Variants in PIK3C2G observed in about 807,000 individuals in gnomAD.
The protein encoded by PIK3C2G is phosphatidylinositol-4-phosphate 3-kinase catalytic subunit type 2 gamma.
A neutral mutation model predicts 181.1 loss-of-function variants in PIK3C2G; 168 were observed. That is an observed-to-expected ratio of 0.93 (90% CI 0.82 to 1.05). The LOEUF is 1.05. PIK3C2G is among the 50% of genes least tolerant of loss of function. The pLI, the probability that PIK3C2G is intolerant of heterozygous loss-of-function variation, is 0.00. For missense variants in PIK3C2G, 1,869 were observed against 1,732.8 expected (o/e 1.08, Z -1.40); for synonymous variants, 573 against 592.2 (o/e 0.97, Z 0.47).
chr12:18,269,307 T>G (rs1219852355), intron 1 of PIK3C2G, among the ~76,000 whole-genome samples: 2 of 152,212 alleles, frequency 1.3e-5, no homozygotes, highest in Non-Finnish European at 2.9e-5. Flanking sequence ...TTTTATATTT[T>G]GCATAATTAA....
chr12:18,712,038 G>C, the PIK3C2G span, among the ~76,000 whole-genome samples: 2 of 151,954 alleles, frequency 1.3e-5, no homozygotes. Context: ...GTAATGTATT[G>C]ACATAGGAGA....
chr12:18,603,620 A>G (rs1414245013), intron 30 of PIK3C2G, among the ~76,000 whole-genome samples: 2 of 152,188 alleles, frequency 1.3e-5, no homozygotes. Context: ...CCTGTGAGAC[A>G]GAAGCACCAG....
intron 25 of PIK3C2G, among the ~76,000 whole-genome samples, chr12:18,542,098 T>C (rs1445392676): frequency 6.6e-6 from 1 of 151,718 alleles, no homozygotes; most frequent in Non-Finnish European, 1.5e-5. Flanking sequence ...TTGATAGAGT[T>C]CTAACCAAGC....
chr12:18,499,536 G>C (rs1420402230), intron 22 of PIK3C2G, among the ~76,000 whole-genome samples: 1 of 152,164 alleles, frequency 6.6e-6, no homozygotes, highest in Non-Finnish European at 1.5e-5. Context: ...GGAGTTCTGA[G>C]AGAAATTTTC....
chr12:18,534,054 A>G (rs1943708703), intron 24 of PIK3C2G, among the ~76,000 whole-genome samples: 1 of 145,750 alleles, frequency 6.9e-6, no homozygotes, highest in African/African-American at 2.5e-5. Flanking sequence ...GGTTCAAACA[A>G]TTCTTGTGCC....
chr12:18,376,462 C>A (rs1048106416), intron 13 of PIK3C2G, among the ~76,000 whole-genome samples: 1 of 151,966 alleles, frequency 6.6e-6, no homozygotes, highest in East Asian at 1.9e-4. Flanking sequence ...ATTTTATGGG[C>A]TCATAGGTTG....
intron 14 of PIK3C2G, among the ~76,000 whole-genome samples, chr12:18,388,050 C>T (rs986412275): frequency 6.6e-6 from 1 of 152,138 alleles, no homozygotes; most frequent in African/African-American, 2.4e-5. Flanking sequence ...GGAAGAAGCA[C>T]CAGTCTTATC....
At chr12:18,648,475 T>C (rs1335750223), downstream of PIK3C2G, 3 of 183,570 alleles carry the variant, frequency 1.6e-5, no homozygotes, top group African/African-American at 2.3e-5. Context: ...TTATACCTAC[T>C]CATAATCTTA....
intron 11 of PIK3C2G, among the ~76,000 whole-genome samples, chr12:18,352,750 G>A (rs1363798801): frequency 6.6e-6 from 1 of 152,178 alleles, no homozygotes; most frequent in Non-Finnish European, 1.5e-5. Context: ...ATGGAGTGGG[G>A]AGGTAGTCTT....
At chr12:18,414,661 A>G (rs1011513869) in intron 16 of PIK3C2G, among the ~76,000 whole-genome samples, 2 of 152,152 alleles carry the variant, frequency 1.3e-5, no homozygotes, top group African/African-American at 4.8e-5. Context: ...TCATATTCTT[A>G]AAATAAATTC....
chr12:18,425,659 G>A (rs1339969054), intron 18 of PIK3C2G, among the ~76,000 whole-genome samples: 1 of 151,840 alleles, frequency 6.6e-6, no homozygotes, highest in Non-Finnish European at 1.5e-5. Flanking sequence ...CAAAGTGCTG[G>A]GATTACAGGT....
At chr12:18,630,520 G>T (rs867796289) in intron 31 of PIK3C2G, among the ~76,000 whole-genome samples, 2 of 152,160 alleles carry the variant, frequency 1.3e-5, no homozygotes, top group African/African-American at 2.4e-5. Flanking sequence ...GAAGGGTCTA[G>T]GATGGGGTTA....
At position 18,611,951 on chromosome 12, in the gene PIK3C2G, G is replaced by T. The variant is rs1254624512; in HGVS notation, c.4182+2322G>T. On this transcript the variant is annotated intron_variant, in intron 31 of 32. Transcript: ENST00000538779. ...AATCTAGCAGCCTGAATGTTCCTTT[G>T]AGAATAAAAGTCAGATCCTGTCATT... Among the ~76,000 whole-genome samples the T allele has an allele frequency of 2.6e-5, 4 of 152,132 alleles. No individual in the cohort carries two copies. The East Asian group carries it at 7.7e-4, about 29-fold the overall frequency.
chr12:18,516,046 G>T (rs1942516307), intron 24 of PIK3C2G, among the ~76,000 whole-genome samples: 1 of 151,952 alleles, frequency 6.6e-6, no homozygotes, highest in Non-Finnish European at 1.5e-5. Flanking sequence ...CTTTGTCTGT[G>T]TACTCACTTT....
intron 11 of PIK3C2G, among the ~76,000 whole-genome samples, chr12:18,360,991 G>A (rs963681501): frequency 1.3e-5 from 2 of 151,582 alleles, no homozygotes; most frequent in African/African-American, 2.4e-5. Flanking sequence ...TTCTCTTTCT[G>A]AAAATCCCAT....
chr12:18,691,904 C>T, the PIK3C2G span, among the ~76,000 whole-genome samples: 1 of 152,162 alleles, frequency 6.6e-6, no homozygotes, highest in South Asian at 2.1e-4. Context: ...TAGTCCTGGT[C>T]ATCTTTGCTA....
chr12:18,683,531 A>T, the PIK3C2G span: 6 of 1,512,536 alleles, frequency 4.0e-6, no homozygotes, highest in Non-Finnish European at 5.3e-6. Context: ...AAAACTGAAT[A>T]CACAGCTCAT....
the PIK3C2G span, chr12:18,705,438 C>G: frequency 0.9 from 1,074,033 of 1,195,452 alleles, 482,967 homozygotes; most frequent in East Asian, 1. Flanking sequence ...TGCAAAATAA[C>G]TATTCTTTAA....
chr12:18,712,968 G>A, the PIK3C2G span: 5 of 1,613,732 alleles, frequency 3.1e-6, no homozygotes, highest in Non-Finnish European at 4.2e-6. Context: ...CCAAACAACG[G>A]CATCCTTTCA....
Sources: allele counts gnomAD v4.1 joint callset (sites outside exome capture counted in the v4.1 genomes callset), GRCh38; gene constraint gnomAD v4.1.1; transcripts MANE v1.5; gene names NCBI Gene and HGNC (gene_info 2026-07-23, HGNC 2026-07-21).